PLCE1: variants seen among roughly 807,000 people sequenced by gnomAD.
PLCE1 encodes the protein phospholipase C epsilon 1.
Under a neutral mutation model 242.8 loss-of-function variants are expected in PLCE1, and 119 were observed. The observed-to-expected ratio is 0.49, with a 90% CI of 0.42 to 0.57. PLCE1 has a LOEUF of 0.57. Among genes scored for constraint, PLCE1 ranks in the 20% least tolerant of loss-of-function variants. The pLI is 0.00. For missense variants in PLCE1, 2,441 were observed against 2,788.8 expected (o/e 0.88, Z 2.81); for synonymous variants, 945 against 1,017.4 (o/e 0.93, Z 1.35).
At chr10:94,130,590 C>A (rs758822530) in intron 2 of PLCE1, among the ~76,000 whole-genome samples, 3 of 152,206 alleles carry the variant, frequency 2.0e-5, no homozygotes, top group African/African-American at 7.2e-5. Context: ...TACCTGACCT[C>A]ATGTACCTGA....
intron 23 of PLCE1, among the ~76,000 whole-genome samples, chr10:94,296,880 CTT>C (rs1187850868): frequency 6.8e-6 from 1 of 147,210 alleles, no homozygotes. Flanking sequence ...TTCTTTCTTT[CTT>C]TTTTTTTTTG....
chr10:94,233,732 G>A (rs1164961583), intron 5 of PLCE1, among the ~76,000 whole-genome samples: 2 of 152,148 alleles, frequency 1.3e-5, no homozygotes, highest in African/African-American at 2.4e-5. Context: ...TGGATCGCCT[G>A]AGGTCAGGAG....
intron 3 of PLCE1, among the ~76,000 whole-genome samples, chr10:94,140,991 C>T (rs1222672506): frequency 6.6e-6 from 1 of 152,214 alleles, no homozygotes; most frequent in African/African-American, 2.4e-5. Context: ...ATCTGGAAGT[C>T]TTCAACTTGT....
chr10:94,156,212 C>T (rs542726416), intron 3 of PLCE1, among the ~76,000 whole-genome samples: 7 of 152,312 alleles, frequency 4.6e-5, no homozygotes, highest in Admixed American at 2.6e-4. Context: ...TCTCTCCTGA[C>T]ACCAACTGGG....
At chr10:94,245,880 GA>G in intron 7 of PLCE1, 65 bp from the exon 8 acceptor site, 1 of 1,293,700 alleles carries the variant, frequency 7.7e-7, no homozygotes, top group Non-Finnish European at 1.1e-6. Context: ...CAGTGTCAGT[GA>G]AAATGTCTTT....
chr10:94,190,667 A>G (rs1316165449), intron 4 of PLCE1, among the ~76,000 whole-genome samples: 2 of 152,232 alleles, frequency 1.3e-5, no homozygotes, highest in Non-Finnish European at 2.9e-5. Flanking sequence ...CCTGGCACAT[A>G]GTAGGTGTTC....
chr10:94,027,942 C>A (rs893539321), intron 1 of PLCE1, among the ~76,000 whole-genome samples: 11 of 152,146 alleles, frequency 7.2e-5, no homozygotes, highest in African/African-American at 2.4e-4. Flanking sequence ...GGGCTTCAGA[C>A]TAGATGGAAG....
intron 3 of PLCE1, among the ~76,000 whole-genome samples, chr10:94,141,315 G>A (rs2046946771): frequency 6.6e-6 from 1 of 152,214 alleles, no homozygotes; most frequent in Non-Finnish European, 1.5e-5. Flanking sequence ...ATTCCTAGGT[G>A]TGAATACACC....
chr10:94,055,148 AAGG>A (rs1046738213), intron 2 of PLCE1, among the ~76,000 whole-genome samples: 2 of 151,964 alleles, frequency 1.3e-5, no homozygotes, highest in African/African-American at 2.4e-5. Flanking sequence ...ATTTTATTAT[AAGG>A]AGGCAGTATA....
intron 13 of PLCE1, among the ~76,000 whole-genome samples, chr10:94,260,974 G>C (rs2051276264): frequency 6.6e-6 from 1 of 152,146 alleles, no homozygotes; most frequent in Admixed American, 6.5e-5. Flanking sequence ...TTACAATTGA[G>C]TTAATATTGA....
intron 23 of PLCE1, among the ~76,000 whole-genome samples, chr10:94,294,162 A>G (rs1250164526): frequency 6.6e-6 from 1 of 152,212 alleles, no homozygotes. Flanking sequence ...AGATGTTTGA[A>G]CAGTGTTTGC....
chr10:94,268,954 T>C lies in PLCE1; in HGVS notation c.4307T>C (p.Val1436Ala). The C allele has an allele frequency of 6.2e-7, 1 of 1,612,544 alleles. No homozygotes were observed. The highest frequency in any genetic ancestry group is 8.5e-7 in the Non-Finnish European group (1 of 1,178,620). Reference protein sequence around the residue: ...SQVLLQGCRSVELDCWDGDDG... With the variant: ...SQVLLQGCRSAELDCWDGDDG... ...GTCCTTTTGCAAGGCTGTCGAAGTG[T>C]AGAATTGGACTGCTGGGACGGAGAC... The change falls in exon 17 of 33, where the codon GTA (valine) becomes GCA (alanine). Residue 1436 changes from valine (V) to alanine (A), a missense_variant. This residue lies in a region of PLCE1 where 1,004 missense variants were observed against 1,322.7 expected (regional missense o/e 0.76). Coordinates refer to ENST00000371380, the MANE Select transcript of PLCE1 (RefSeq NM_016341.4).
intron 11 of PLCE1, among the ~76,000 whole-genome samples, 165 bp from the exon 12 acceptor site, chr10:94,258,635 A>C (rs186029268): frequency 6.6e-6 from 1 of 152,326 alleles, no homozygotes; most frequent in Non-Finnish European, 1.5e-5. Context: ...CCTCTGATAC[A>C]ATATAGGTTA....
intron 3 of PLCE1, among the ~76,000 whole-genome samples, chr10:94,146,953 G>A (rs2047131269): frequency 6.6e-6 from 1 of 152,170 alleles, no homozygotes; most frequent in African/African-American, 2.4e-5. Context: ...CATTTTCCAT[G>A]GACAGGGTCT....
chr10:94,225,585 C>T (rs773824288), intron 4 of PLCE1, among the ~76,000 whole-genome samples: 1 of 152,128 alleles, frequency 6.6e-6, no homozygotes, highest in Non-Finnish European at 1.5e-5. Context: ...GAGCCAAGAT[C>T]ATACCATTGC....
intron 3 of PLCE1, among the ~76,000 whole-genome samples, chr10:94,161,190 G>A (rs916403746): frequency 6.6e-6 from 1 of 152,176 alleles, no homozygotes; most frequent in African/African-American, 2.4e-5. Flanking sequence ...TTCCAATTCT[G>A]TGAAGAAAGT....
At chr10:94,235,262 G>C (rs530107458) in intron 6 of PLCE1, among the ~76,000 whole-genome samples, 37 of 152,192 alleles carry the variant, frequency 2.4e-4, no homozygotes, top group African/African-American at 8.9e-4. Flanking sequence ...TTATGAGCTA[G>C]GATAAAAGGG....
At chr10:94,227,213 G>T (rs887311779) in intron 4 of PLCE1, 93 bp from the exon 5 acceptor site, 9 of 1,213,030 alleles carry the variant, frequency 7.4e-6, no homozygotes, top group Middle Eastern at 1.9e-4. Context: ...ATACCAAATT[G>T]ATATTTTTAG....
In PLCE1 at chr10:94,255,064, T is replaced by G; in HGVS notation, c.3554+15T>G. On this transcript the variant is annotated intron_variant, in intron 11 of 32. Coordinates refer to ENST00000371380, the MANE Select transcript of PLCE1 (RefSeq NM_016341.4). ...AGCCCATCCAGGTGGGGCCTTAACATGATAAAACAGAAGGACCCTTCACAT... is the reference window on the plus strand; with the variant it reads ...AGCCCATCCAGGTGGGGCCTTAACAGGATAAAACAGAAGGACCCTTCACAT... The G allele has an allele frequency of 6.2e-7, 1 of 1,613,604 alleles. No homozygotes were observed. Among genetic ancestry groups the G allele is most frequent in the African/African-American group, 1.3e-5 (1 of 75,016 alleles).
Sources: allele counts gnomAD v4.1 joint callset (sites outside exome capture counted in the v4.1 genomes callset), GRCh38; gene constraint gnomAD v4.1.1; regional missense constraint gnomAD v4.1.1; transcripts MANE v1.5; gene names NCBI Gene and HGNC (gene_info 2026-07-23, HGNC 2026-07-21).